The following PGAP1 variants were observed in gnomAD, a reference collection of about 807,000 sequenced individuals.
PGAP1 encodes post-GPI attachment to proteins inositol deacylase 1.
A neutral mutation model predicts 127.0 loss-of-function variants in PGAP1; 76 were observed. The ratio of observed to expected loss-of-function variants is 0.60; its 90% CI spans 0.50 to 0.72. The LOEUF (loss-of-function observed/expected upper bound fraction) is 0.72, where lower values mean the gene tolerates loss of function less well. PGAP1 is among the 30% of genes least tolerant of loss of function. The pLI is 0.00. For synonymous variants in PGAP1, 362 were observed against 366.5 expected, an observed-to-expected ratio of 0.99 and a Z score of 0.14; for missense variants, 982 against 1,071.3, an observed-to-expected ratio of 0.92 and a Z score of 1.16.
intron 18 of PGAP1, 49 bp from the exon 19 acceptor site, chr2:196,871,028 C>T: frequency 7.4e-7 from 1 of 1,344,148 alleles, no homozygotes; most frequent in African/African-American, 1.4e-5. Flanking sequence ...CTCTAAACTC[C>T]TTTACATTTT....
chr2:196,890,868 CTA>C lies in PGAP1; in HGVS notation c.1131_1132del (p.His377GlnfsTer18), dbSNP rs751337746. The C allele has an allele frequency of 1.4e-5, 22 of 1,548,384 alleles. No individual in the cohort carries two copies. The highest frequency in any genetic ancestry group is 1.8e-5 in the Non-Finnish European group (20 of 1,122,026). On this transcript the variant is annotated frameshift_variant, in exon 10 of 27. Transcript: ENST00000354764. LOFTEE classifies it high-confidence loss of function. ...ACAATAGACATGAGTGTAGATTTTT[CTA>C]TGATTTTCAAGAGGAAATGTAAAAT... is the stretch of plus-strand genomic sequence containing the variant.
At chr2:196,891,164 G>A (rs1702088886) in intron 9 of PGAP1, among the ~76,000 whole-genome samples, 2 of 152,060 alleles carry the variant, frequency 1.3e-5, no homozygotes, top group South Asian at 2.1e-4. Context: ...TTTATTGTGG[G>A]TTTTTTGCTC....
intron 1 of PGAP1, among the ~76,000 whole-genome samples, chr2:196,924,321 G>A (rs1703303546): frequency 6.6e-6 from 1 of 152,110 alleles, no homozygotes; most frequent in South Asian, 2.1e-4. Flanking sequence ...ATCAACCTGT[G>A]AACAATTAGA....
intron 7 of PGAP1, among the ~76,000 whole-genome samples, chr2:196,895,271 A>C (rs1221882883): frequency 6.6e-6 from 1 of 152,200 alleles, no homozygotes; most frequent in African/African-American, 2.4e-5. Flanking sequence ...TTAATGGAAA[A>C]ACATGCTTGT....
At position 196,848,637 on chromosome 2, in the gene PGAP1, T is replaced by C. The variant is rs1273819941; in HGVS notation, c.1862-600A>G. Among the ~76,000 whole-genome samples the C allele has an allele frequency of 2.0e-5, 3 of 152,206 alleles. No individual in the cohort carries two copies. The East Asian group carries it at 5.8e-4, about 29-fold the overall frequency. On this transcript the variant is annotated intron_variant, in intron 20 of 26. Transcript: ENST00000354764. ...TAACATATACCAGTATTTCATTTAA[T>C]TTCTTTTTAATCAAATTCCTTTTAT...
rs548157661 is a variant in PGAP1 at position 196,914,867 on chromosome 2, G to A, written c.477+1551C>T. Among the ~76,000 whole-genome samples, 7 of 149,158 alleles carry A rather than the reference G, an allele frequency of 4.7e-5. No individual in the cohort carries two copies. The South Asian group carries it at 6.4e-4, about 14-fold the overall frequency. On this transcript the variant is annotated intron_variant, in intron 3 of 26. Transcript: ENST00000354764. ...CTCACTCTGTCACCCAGGCTGGAGC[G>A]CAGTGGCACGATTCATGGCTCACTG...
rs1351255618 is a variant in PGAP1 at position 196,838,701 on chromosome 2, C to T, written c.*2533G>A. ...TTAGGACTTGGTGATAACTACATTC[C>T]CATGAAAATATTTGAGTGAGAATTA... On this transcript the variant is annotated 3_prime_UTR_variant, in exon 27 of 27. Transcript: ENST00000354764. 1 of 151,994 alleles carries T rather than the reference C, an allele frequency of 6.6e-6. No homozygotes were observed. The highest frequency in any genetic ancestry group is 1.9e-4 in the East Asian group (1 of 5,196). The allele number at this position is 151,994 out of a possible 1,614,324, so 9.4% of individuals were successfully genotyped here. A position where few individuals can be genotyped will look rare whatever the true frequency, so the allele number is the denominator to read the frequency against.
At position 196,916,479 on chromosome 2, in the gene PGAP1, C is replaced by A. The variant is rs201030311; in HGVS notation, c.416G>T (p.Ser139Ile). The change falls in exon 3 of 27, where the codon AGT becomes ATT. Residue 139 changes from serine to isoleucine, a missense_variant. Physicochemically the swap from Ser to Ile is moderately radical, Grantham distance 142. Transcript: ENST00000354764. ...TACAAACTTGGTCTGCTTCTGAAGA[C>A]TTCCACCATACAAAGCCACCAGTTC... ...NEELVALYGG[S>I]LQKQTKFVHE... The A allele has an allele frequency of 3.1e-6, 5 of 1,613,592 alleles. No individual in the cohort carries two copies. Among genetic ancestry groups the A allele is most frequent in the Non-Finnish European group, 4.2e-6 (5 of 1,179,794 alleles).
intron 18 of PGAP1, 28 bp from the exon 19 acceptor site, chr2:196,871,007 A>G (rs745732594): frequency 6.5e-7 from 1 of 1,542,200 alleles, no homozygotes; most frequent in Admixed American, 1.7e-5. Flanking sequence ...TTGAAAAAAA[A>G]GGTTATTTTC....
At chr2:196,852,330 TA>T (rs1236507088) in intron 20 of PGAP1, among the ~76,000 whole-genome samples, 3 of 152,106 alleles carry the variant, frequency 2.0e-5, no homozygotes, top group African/African-American at 7.2e-5. Flanking sequence ...TCATACAAAT[TA>T]TATACTAATT....
intron 20 of PGAP1, among the ~76,000 whole-genome samples, chr2:196,861,892 A>G (rs565089877): frequency 3.3e-5 from 5 of 150,756 alleles, no homozygotes; most frequent in Non-Finnish European, 7.4e-5. Flanking sequence ...GCCTGTCTTT[A>G]CCTTAATCTC....
Position 196,836,479 on chromosome 2 carries a change from C to CA in PGAP1, c.*4754dup, listed in dbSNP as rs1189802928. 2 of 152,042 alleles carry CA rather than the reference C, an allele frequency of 1.3e-5. No homozygotes were observed. The highest frequency in any genetic ancestry group is 2.4e-5 in the African/African-American group (1 of 41,428). 9.4% of individuals were successfully genotyped at this position (152,042 alleles called of 1,614,324 possible). On this transcript the variant is annotated 3_prime_UTR_variant, in exon 27 of 27. Transcript: ENST00000354764. Reference sequence around the variant, plus strand: ...TTCTTCTGTACTCAATACAATTTATCAAAAAATGTGACTTCTTGAGCATTT... The same window carrying CA: ...TTCTTCTGTACTCAATACAATTTATCAAAAAAATGTGACTTCTTGAGCATTT...
At chr2:196,916,972 T>C (rs1703032445) in intron 2 of PGAP1, among the ~76,000 whole-genome samples, 1 of 152,142 alleles carries the variant, frequency 6.6e-6, no homozygotes, top group African/African-American at 2.4e-5. Context: ...GAAATATCCA[T>C]TCATCACTTG....
rs540478290 is a variant in PGAP1 at position 196,835,923 on chromosome 2, G to A, written c.*5311C>T. The A allele has an allele frequency of 4.6e-4, 70 of 152,010 alleles. No homozygotes were observed. The highest frequency in any genetic ancestry group is 9.9e-4 in the African/African-American group (41 of 41,512). 9.4% of individuals were successfully genotyped at this position (152,010 alleles called of 1,614,324 possible). A position where few individuals can be genotyped will look rare whatever the true frequency, so the allele number is the denominator to read the frequency against. On this transcript the variant is annotated 3_prime_UTR_variant, in exon 27 of 27. Coordinates refer to ENST00000354764, the MANE Select transcript of PGAP1 (RefSeq NM_024989.4). ...GCTTTTGAACAGTTAATAGCTCTAC[G>A]TGTTATCTATAAACATTTTTTACTA...
chr2:196,926,425 GC>G, intron 1 of PGAP1, 44 bp downstream of exon 1: 1 of 1,611,640 alleles, frequency 6.2e-7, no homozygotes, highest in Non-Finnish European at 8.5e-7. Context: ...GGCACCAGGG[GC>G]CAGAGTCTTG....
Position 196,842,798 on chromosome 2 carries a change from T to G in PGAP1, c.2553A>C (p.Pro851=). 2 of 1,572,170 alleles carry G rather than the reference T, an allele frequency of 1.3e-6. No individual in the cohort carries two copies. The highest frequency in any genetic ancestry group is 1.4e-5 in the African/African-American group (1 of 73,490). Residue 851 remains proline, a synonymous_variant, in exon 26 of 27, where the codon CCA becomes CCC. Coordinates refer to ENST00000354764, the MANE Select transcript of PGAP1 (RefSeq NM_024989.4). ...TAAGGATAAATGCCAAAGGTTTACATGGATCAGGATTAAGTTTAAAATAAT... is the reference window on the plus strand; with the variant it reads ...TAAGGATAAATGCCAAAGGTTTACAGGGATCAGGATTAAGTTTAAAATAAT... ...LRYYFKLNPD[P]CKPLAFILIP...
intron 20 of PGAP1, among the ~76,000 whole-genome samples, chr2:196,850,009 G>C (rs1173255553): frequency 6.6e-6 from 1 of 152,194 alleles, no homozygotes; most frequent in Non-Finnish European, 1.5e-5. Context: ...CAGGAATTAA[G>C]AGGTATCAGC....
At chr2:196,846,152 T>G in intron 22 of PGAP1, 135 bp from the exon 23 acceptor site, 1 of 473,210 alleles carries the variant, frequency 2.1e-6, no homozygotes, top group Non-Finnish European at 3.5e-6. Context: ...AACAAGGTAT[T>G]TTTTAAATAA....
chr2:196,850,917 C>G (rs1470538548), intron 20 of PGAP1, among the ~76,000 whole-genome samples: 1 of 152,072 alleles, frequency 6.6e-6, no homozygotes, highest in African/African-American at 2.4e-5. Context: ...TAACCTGAAT[C>G]TGATCACACC....
Sources: gnomAD v4.1 joint callset for allele counts (sites outside exome capture counted in the v4.1 genomes callset) on GRCh38, gnomAD v4.1.1 for gene constraint, MANE v1.5 for transcripts, NCBI Gene and HGNC (gene_info 2026-07-23, HGNC 2026-07-21) for gene names.